The following MID1 variants were observed in gnomAD, a reference collection of about 807,000 sequenced individuals.
The protein encoded by MID1 is E3 ubiquitin-protein ligase Midline-1.
A neutral mutation model predicts 40.4 loss-of-function variants in MID1; 7 were observed. That is an observed-to-expected ratio of 0.17 (90% CI 0.10 to 0.33). The LOEUF is 0.33. MID1 is among the 10% of genes least tolerant of loss of function. MID1 has a pLI of 1.00. For synonymous variants in MID1, 229 were observed against 221.2 expected (o/e 1.04, Z -0.31); for missense variants, 367 against 558.5 (o/e 0.66, Z 3.46).
At chrX:10,455,132 A>G in intron 8 of MID1, 55 bp from the exon 9 acceptor site, 7 of 1,015,157 alleles carry the variant, frequency 6.9e-6, no homozygotes, top group Non-Finnish European at 9.7e-6. Flanking sequence ...TGTTTATTTT[A>G]TCATAACCAA....
intron 2 of MID1, among the ~76,000 whole-genome samples, chrX:10,549,791 G>A (rs1933837622): frequency 8.9e-6 from 1 of 112,978 alleles, no homozygotes; most frequent in African/African-American, 3.2e-5. Context: ...TAATCCCTGT[G>A]CAGCCAGGTT....
At chrX:10,553,945 T>C (rs774745153) in intron 2 of MID1, among the ~76,000 whole-genome samples, 4 of 111,827 alleles carry the variant, frequency 3.6e-5, no homozygotes, top group African/African-American at 1.3e-4. Flanking sequence ...GGTGGTATGT[T>C]TGGACCATAG....
At chrX:10,756,705 C>T (rs2043635063) in intron 1 of MID1, among the ~76,000 whole-genome samples, 1 of 112,133 alleles carries the variant, frequency 8.9e-6, no homozygotes, top group South Asian at 3.7e-4. Context: ...TGGCAATGTA[C>T]TCTCCTGGAA....
At chrX:10,598,719 G>A (rs1239964887) in intron 1 of MID1, among the ~76,000 whole-genome samples, 2 of 111,746 alleles carry the variant, frequency 1.8e-5, no homozygotes, top group South Asian at 3.8e-4. Context: ...CAGTCTTACA[G>A]CTGCCAGAGA....
At chrX:10,633,018 A>C (rs1936069325) in intron 1 of MID1, among the ~76,000 whole-genome samples, 1 of 111,641 alleles carries the variant, frequency 9.0e-6, no homozygotes, top group Non-Finnish European at 1.9e-5. Context: ...TTAAGCTCCA[A>C]GCTTGATGTG....
chrX:10,628,286 C>A (rs1199527701), intron 1 of MID1, among the ~76,000 whole-genome samples: 1 of 110,731 alleles, frequency 9.0e-6, no homozygotes, highest in African/African-American at 3.3e-5. Flanking sequence ...ACATGGGTAT[C>A]AGTGCCTCAG....
intron 1 of MID1, among the ~76,000 whole-genome samples, chrX:10,613,756 GAGAGAGAGAGAGACAGAC>G (rs1935788642): frequency 1.1e-5 from 1 of 88,776 alleles, no homozygotes; most frequent in African/African-American, 4.7e-5. Flanking sequence ...GAGAGAGAGA[GAGAGAGAGAGAGACAGAC>G]AGACAGACAG....
At chrX:10,487,359 C>A (rs1300281973) in intron 4 of MID1, among the ~76,000 whole-genome samples, 2 of 111,883 alleles carry the variant, frequency 1.8e-5, no homozygotes, top group East Asian at 5.6e-4. Flanking sequence ...AATTATATAA[C>A]TTTCTTCTGT....
intron 1 of MID1, among the ~76,000 whole-genome samples, chrX:10,728,372 C>T (rs1345475919): frequency 8.9e-6 from 1 of 111,761 alleles, no homozygotes; most frequent in African/African-American, 3.3e-5. Flanking sequence ...CTTCTTGGAA[C>T]AGTGTTGACA....
At chrX:10,649,422 G>A (rs1385008559) in intron 1 of MID1, among the ~76,000 whole-genome samples, 1 of 111,969 alleles carries the variant, frequency 8.9e-6, no homozygotes, top group Admixed American at 9.5e-5. Flanking sequence ...TATGCTGAAG[G>A]AGAAATCTAC....
rs1382380298 is a variant in MID1, at chrX:10,721,894, T to C, written c.-186-101475A>G. On this transcript the variant is annotated intron_variant, in intron 1 of 10. Coordinates refer to the MID1 transcript ENST00000380785. ...GACCAGGCTGGGCAACATAGCAAGA[T>C]TACTGTCACTACAAAAAGAGAAGAA... 4.5e-5 allele frequency among the ~76,000 whole-genome samples: 5 copies of C among 110,374 alleles called. No individual in the cohort carries two copies. The South Asian group carries it at 2.0e-3, about 43-fold the overall frequency.
At chrX:10,805,243 C>T (rs1351314285) in intron 1 of MID1, among the ~76,000 whole-genome samples, 1 of 88,320 alleles carries the variant, frequency 1.1e-5, no homozygotes, top group Admixed American at 1.3e-4. Context: ...ACAACAGTCC[C>T]CAGAGTGTGA....
chrX:10,740,128 T>C (rs868749206), intron 1 of MID1, among the ~76,000 whole-genome samples: 1 of 100,796 alleles, frequency 9.9e-6, no homozygotes, highest in Non-Finnish European at 1.9e-5. Context: ...CACCATCACA[T>C]TTTTTTTTCT....
At chrX:10,614,776 T>C (rs1935811954) in intron 1 of MID1, among the ~76,000 whole-genome samples, 1 of 112,403 alleles carries the variant, frequency 8.9e-6, no homozygotes, top group African/African-American at 3.2e-5. Flanking sequence ...ATTTCAAATA[T>C]TGCCATGACT....
chrX:10,599,072 G>A (rs928523400), intron 1 of MID1, among the ~76,000 whole-genome samples: 10 of 111,649 alleles, frequency 9.0e-5, no homozygotes, highest in Admixed American at 8.5e-4. Flanking sequence ...CCAATCCCGG[G>A]TCTCTGACTG....
chrX:10,639,383 C>A (rs1345526999), intron 1 of MID1, among the ~76,000 whole-genome samples: 1 of 111,464 alleles, frequency 9.0e-6, no homozygotes, highest in Non-Finnish European at 1.9e-5. Context: ...GCTTCAGTAG[C>A]CAATTTGATC....
chrX:10,497,063 A>AT (rs1305051891), intron 3 of MID1, among the ~76,000 whole-genome samples: 1 of 112,359 alleles, frequency 8.9e-6, no homozygotes, highest in African/African-American at 3.2e-5. Flanking sequence ...TCTTATTGTT[A>AT]TTTTTATGTC....
At chrX:10,482,927 G>A (rs973557198) in intron 4 of MID1, among the ~76,000 whole-genome samples, 3 of 112,158 alleles carry the variant, frequency 2.7e-5, no homozygotes, top group African/African-American at 6.5e-5. Context: ...GTCACCAGAC[G>A]TCTTCCCTGG....
intron 3 of MID1, among the ~76,000 whole-genome samples, chrX:10,496,575 G>GAA (rs1931263782): frequency 1.8e-5 from 2 of 112,691 alleles, no homozygotes; most frequent in Non-Finnish European, 3.7e-5. Context: ...AGCCACAGGA[G>GAA]AAGTTGCAAT....
Sources: allele counts gnomAD v4.1 joint callset (sites outside exome capture counted in the v4.1 genomes callset), GRCh38; gene constraint gnomAD v4.1.1; transcripts MANE v1.5; gene names NCBI Gene and HGNC (gene_info 2026-07-23, HGNC 2026-07-21).